VTI1A: variants seen among roughly 807,000 people sequenced by gnomAD.
VTI1A encodes the protein vesicle transport through interaction with t-SNAREs homolog 1A.
VTI1A carries 22 observed loss-of-function variants against 34.9 expected under a neutral mutation model. The observed-to-expected ratio is 0.63, with a 90% CI of 0.45 to 0.90. VTI1A has a LOEUF of 0.90. Among genes scored for constraint, VTI1A ranks in the 40% least tolerant of loss-of-function variants. The pLI, the probability that VTI1A is intolerant of heterozygous loss-of-function variation, is 0.00. For missense variants in VTI1A, 268 were observed against 275.6 expected (o/e 0.97, Z 0.20); for synonymous variants, 87 against 97.3 (o/e 0.89, Z 0.62).
At chr10:112,626,975 A>C (rs1373843931) in intron 5 of VTI1A, among the ~76,000 whole-genome samples, 1 of 152,224 alleles carries the variant, frequency 6.6e-6, no homozygotes, top group Non-Finnish European at 1.5e-5. Context: ...GCTTGCTGAA[A>C]TATTCGTCCA....
chr10:112,671,804 C>T (rs1327442151), intron 7 of VTI1A: 1 of 152,148 alleles, frequency 6.6e-6, no homozygotes, highest in African/African-American at 2.4e-5. Flanking sequence ...TAATCATCTA[C>T]CACTCATGCT....
intron 7 of VTI1A, among the ~76,000 whole-genome samples, chr10:112,717,223 G>A (rs1318681426): frequency 2.6e-5 from 4 of 152,204 alleles, no homozygotes; most frequent in Non-Finnish European, 1.5e-5. Context: ...CATGTCCAGA[G>A]GTCATGGCCT....
intron 3 of VTI1A, among the ~76,000 whole-genome samples, chr10:112,469,819 C>T (rs1848018792): frequency 6.6e-6 from 1 of 152,214 alleles, no homozygotes; most frequent in Non-Finnish European, 1.5e-5. Flanking sequence ...TAGGGGACCA[C>T]TTTCTCGATT....
chr10:112,666,430 C>G (rs995127817), intron 5 of VTI1A, among the ~76,000 whole-genome samples: 2 of 152,154 alleles, frequency 1.3e-5, no homozygotes, highest in African/African-American at 4.8e-5. Context: ...TAACACTTGT[C>G]TGTAACTCTT....
At position 112,676,253 on chromosome 10, in the gene VTI1A, C is replaced by T. The variant is rs1044611783; in HGVS notation, c.560+7255C>T. Among the ~76,000 whole-genome samples, 4 of 151,926 alleles carry T rather than the reference C, an allele frequency of 2.6e-5. No individual in the cohort carries two copies. The South Asian group carries it at 6.2e-4, about 24-fold the overall frequency. On this transcript the variant is annotated intron_variant, in intron 7 of 7. Transcript: ENST00000393077. The stretch of plus-strand genomic sequence containing the variant: ...CCTTATGTCCCTATTCCTGTCATGG[C>T]GCCACCATTCCCCCTTCCTTCTGGG...
rs1449844291 is a variant in VTI1A at position 112,803,895 on chromosome 10, C to T, written c.561-11395C>T. The stretch of plus-strand genomic sequence containing the variant: ...TAGAACATCCTTATTTAATTCTCTT[C>T]AAGTTCTTTCCAAGCCCTTTGATTG... On this transcript the variant is annotated intron_variant, in intron 7 of 7. Transcript: ENST00000393077. Among the ~76,000 whole-genome samples the T allele has an allele frequency of 2.0e-5, 3 of 152,234 alleles. No individual in the cohort carries two copies. In the East Asian group the frequency reaches 5.8e-4, roughly 29 times the overall value.
chr10:112,506,953 GT>G (rs201026504), intron 3 of VTI1A, among the ~76,000 whole-genome samples: 254 of 140,272 alleles, frequency 1.8e-3, no homozygotes, highest in African/African-American at 5.6e-3. Flanking sequence ...TTTTATGGGT[GT>G]TTTTTTTTTT....
At chr10:112,853,641 TG>T in the VTI1A span, among the ~76,000 whole-genome samples, 1 of 152,252 alleles carries the variant, frequency 6.6e-6, no homozygotes, top group Non-Finnish European at 1.5e-5. Context: ...AAGACCTCTC[TG>T]CTTTTCAAGC....
intron 5 of VTI1A, among the ~76,000 whole-genome samples, chr10:112,639,330 A>G (rs1253838057): frequency 1.3e-5 from 2 of 152,226 alleles, no homozygotes; most frequent in African/African-American, 2.4e-5. Flanking sequence ...TTAGACGTAT[A>G]GGAGACTGAC....
chr10:112,500,372 T>A (rs59014236), intron 3 of VTI1A, among the ~76,000 whole-genome samples: 209 of 151,516 alleles, frequency 1.4e-3, no homozygotes, highest in African/African-American at 4.9e-3. Flanking sequence ...GAGGCAGAGG[T>A]TGCAGTCAGC....
chr10:112,776,913 G>A (rs1201280477), intron 7 of VTI1A, among the ~76,000 whole-genome samples: 1 of 151,954 alleles, frequency 6.6e-6, no homozygotes, highest in East Asian at 1.9e-4. Context: ...CCTGACCTCA[G>A]GTGATCCACC....
intron 7 of VTI1A, among the ~76,000 whole-genome samples, chr10:112,688,293 G>A (rs1356010790): frequency 6.6e-6 from 1 of 151,502 alleles, no homozygotes; most frequent in East Asian, 1.9e-4. Flanking sequence ...AAATAGTAAC[G>A]TCAAAGCAAA....
At chr10:112,752,510 T>A in intron 7 of VTI1A, 1 of 985,440 alleles carries the variant, frequency 1.0e-6, no homozygotes. Flanking sequence ...TTTGTGCTAT[T>A]TGAGAAATCT....
intron 3 of VTI1A, among the ~76,000 whole-genome samples, chr10:112,477,927 A>G (rs1334914553): frequency 6.6e-6 from 1 of 152,140 alleles, no homozygotes; most frequent in Non-Finnish European, 1.5e-5. Context: ...TTACTTATGG[A>G]AATGTAATTT....
chr10:112,570,480 T>C (rs1409037520), intron 5 of VTI1A, among the ~76,000 whole-genome samples: 1 of 152,202 alleles, frequency 6.6e-6, no homozygotes, highest in African/African-American at 2.4e-5. Flanking sequence ...TAATTTCCAG[T>C]TGGAAAAATT....
At chr10:112,709,848 G>C (rs1590099504) in intron 7 of VTI1A, among the ~76,000 whole-genome samples, 1 of 150,150 alleles carries the variant, frequency 6.7e-6, no homozygotes, top group Non-Finnish European at 1.5e-5. Context: ...GCACCACCAA[G>C]CCTGGCTAAT....
At chr10:112,642,608 AGTGTGT>A (rs75201126) in intron 5 of VTI1A, among the ~76,000 whole-genome samples, 23 of 150,202 alleles carry the variant, frequency 1.5e-4, no homozygotes, top group Admixed American at 9.3e-4. Flanking sequence ...TATACAGGGT[AGTGTGT>A]GTGTGTGTGT....
intron 7 of VTI1A, chr10:112,752,362 A>C: frequency 1.0e-6 from 1 of 985,282 alleles, no homozygotes; most frequent in Non-Finnish European, 1.2e-6. Flanking sequence ...GGTTTGTGCT[A>C]TTCTGATTAC....
chr10:112,488,565 A>T (rs1315999809), intron 3 of VTI1A, among the ~76,000 whole-genome samples: 1 of 152,174 alleles, frequency 6.6e-6, no homozygotes, highest in Non-Finnish European at 1.5e-5. Flanking sequence ...AAGAATTAGA[A>T]ACCTATATTA....
Sources: allele counts gnomAD v4.1 joint callset (sites outside exome capture counted in the v4.1 genomes callset), GRCh38; gene constraint gnomAD v4.1.1; transcripts MANE v1.5; gene names NCBI Gene and HGNC (gene_info 2026-07-23, HGNC 2026-07-21).